The following DLGAP1 variants were observed in gnomAD, a reference collection of about 807,000 sequenced individuals.
The protein encoded by DLGAP1 is DLG associated protein 1, also known as disks large-associated protein 1.
Under a neutral mutation model 90.8 loss-of-function variants are expected in DLGAP1, and 11 were observed. That is an observed-to-expected ratio of 0.12 (90% CI 0.08 to 0.20). DLGAP1 has a LOEUF of 0.20. Among genes scored for constraint, DLGAP1 ranks in the 10% least tolerant of loss-of-function variants. The pLI is 1.00. For synonymous variants in DLGAP1, 558 were observed against 540.7 expected, an observed-to-expected ratio of 1.03 and a Z score of -0.44; for missense variants, 1,050 against 1,333.8, an observed-to-expected ratio of 0.79 and a Z score of 3.31.
rs1193116236 is a variant in DLGAP1, at chr18:3,927,567, C to T, written c.-72-47427G>A. Among the ~76,000 whole-genome samples the T allele has an allele frequency of 2.6e-5, 4 of 152,126 alleles. No individual in the cohort carries two copies. The South Asian group carries it at 6.2e-4, about 24-fold the overall frequency. On this transcript the variant is annotated intron_variant, in intron 3 of 12. Coordinates refer to ENST00000315677, the MANE Select transcript of DLGAP1 (RefSeq NM_004746.4). The stretch of plus-strand genomic sequence containing the variant: ...TTTCTTAGGCTAAATAAATTTTTAT[C>T]GTATCAGCAGAGAAGTTTTGAATGT...
At chr18:4,245,460 G>A (rs2078634823) in intron 1 of DLGAP1, among the ~76,000 whole-genome samples, 1 of 152,144 alleles carries the variant, frequency 6.6e-6, no homozygotes, top group Non-Finnish European at 1.5e-5. Context: ...GACAAAGCTT[G>A]CTGTTTTAGC....
chr18:3,642,184 A>C (rs1433445754), intron 7 of DLGAP1, among the ~76,000 whole-genome samples: 1 of 152,224 alleles, frequency 6.6e-6, no homozygotes, highest in Non-Finnish European at 1.5e-5. Context: ...CTGCAGGTTG[A>C]CTATCCCTTA....
At chr18:4,174,577 C>T (rs913661266) in intron 1 of DLGAP1, among the ~76,000 whole-genome samples, 1 of 152,170 alleles carries the variant, frequency 6.6e-6, no homozygotes, top group African/African-American at 2.4e-5. Flanking sequence ...TCATGATCCA[C>T]CCTCCTCGGC....
At chr18:3,930,536 G>T (rs2072493233) in intron 3 of DLGAP1, among the ~76,000 whole-genome samples, 1 of 152,154 alleles carries the variant, frequency 6.6e-6, no homozygotes, top group African/African-American at 2.4e-5. Context: ...TCCTGCAATA[G>T]GAAGGGTGCC....
chr18:3,654,203 C>A (rs576551954), intron 7 of DLGAP1, among the ~76,000 whole-genome samples: 244 of 152,278 alleles, frequency 1.6e-3, no homozygotes, highest in Admixed American at 3.7e-3. Flanking sequence ...AGAGAACTTC[C>A]TGTGAGCCCC....
Position 4,313,201 on chromosome 18 carries a change from C to T in DLGAP1, c.-267+141805G>A, listed in dbSNP as rs774876115. Reference sequence around the variant, plus strand: ...CACGAAGCTTGTATCAGAAGACAGACCATAAATAATAGAAGCACTAAATAA... The same window carrying T: ...CACGAAGCTTGTATCAGAAGACAGATCATAAATAATAGAAGCACTAAATAA... On this transcript the variant is annotated intron_variant, in intron 1 of 12. Transcript: ENST00000315677. 5.6e-4 allele frequency among the ~76,000 whole-genome samples: 85 copies of T among 152,072 alleles called. 1 individual carries two copies. Among genetic ancestry groups the T allele is most frequent in the African/African-American group, 1.8e-3 (74 of 41,456 alleles).
chr18:4,198,138 G>A (rs914819234), intron 1 of DLGAP1, among the ~76,000 whole-genome samples: 3 of 152,118 alleles, frequency 2.0e-5, no homozygotes, highest in African/African-American at 4.8e-5. Context: ...GCAGAATGGC[G>A]TGAATCCAGA....
At chr18:3,761,583 T>C (rs2063967487) in intron 5 of DLGAP1, among the ~76,000 whole-genome samples, 1 of 151,932 alleles carries the variant, frequency 6.6e-6, no homozygotes, top group Non-Finnish European at 1.5e-5. Flanking sequence ...TCTTTCTTTT[T>C]TTTTTTTTTT....
intron 2 of DLGAP1, among the ~76,000 whole-genome samples, chr18:4,032,906 G>T (rs12966814): frequency 6.6e-6 from 1 of 151,970 alleles, no homozygotes; most frequent in African/African-American, 2.4e-5. Flanking sequence ...ACAGTGGCTG[G>T]GTCTTAGTTG....
At chr18:3,977,434 G>GGTTTTTTTTTTTTTTTTTTT (rs767760816) in intron 3 of DLGAP1, among the ~76,000 whole-genome samples, 15 of 95,340 alleles carry the variant, frequency 1.6e-4, no homozygotes, top group African/African-American at 5.0e-4. Context: ...TTTATTCTGT[G>GGTTTTTTTTTTTTTTTTTTT]TTTTTTTTTT....
At chr18:3,859,794 T>C (rs1292132658) in intron 4 of DLGAP1, among the ~76,000 whole-genome samples, 1 of 152,086 alleles carries the variant, frequency 6.6e-6, no homozygotes, top group Non-Finnish European at 1.5e-5. Flanking sequence ...CCTGCAGAAC[T>C]GTACGATAAT....
At chr18:3,821,871 G>A (rs932236705) in intron 4 of DLGAP1, 2 of 978,404 alleles carry the variant, frequency 2.0e-6, no homozygotes, top group African/African-American at 3.5e-5. Flanking sequence ...CTTTTAGTGG[G>A]CTCTCAGATT....
chr18:4,124,991 A>G (rs915544154), intron 2 of DLGAP1, among the ~76,000 whole-genome samples: 1 of 152,200 alleles, frequency 6.6e-6, no homozygotes, highest in Admixed American at 6.5e-5. Flanking sequence ...CATGGGGTCC[A>G]GGTTGGTGGG....
intron 5 of DLGAP1, among the ~76,000 whole-genome samples, chr18:3,773,051 T>C (rs2064768710): frequency 1.3e-5 from 2 of 152,176 alleles, no homozygotes; most frequent in Admixed American, 1.3e-4. Flanking sequence ...GAAAGAATAC[T>C]GGAATGAAGG....
chr18:3,540,066 A>G (rs1359639924), intron 9 of DLGAP1, among the ~76,000 whole-genome samples: 1 of 152,226 alleles, frequency 6.6e-6, no homozygotes, highest in Admixed American at 6.5e-5. Context: ...CCATCTTGGT[A>G]TTTTATGAAA....
At chr18:3,745,208 G>A (rs767008998) in intron 5 of DLGAP1, among the ~76,000 whole-genome samples, 4 of 150,196 alleles carry the variant, frequency 2.7e-5, no homozygotes, top group Non-Finnish European at 5.9e-5. Flanking sequence ...GTGGCATTAG[G>A]AAGTGATATC....
intron 7 of DLGAP1, among the ~76,000 whole-genome samples, chr18:3,637,668 GC>G (rs1483534262): frequency 1.3e-5 from 2 of 151,436 alleles, no homozygotes; most frequent in African/African-American, 2.4e-5. Context: ...GATTGATTGA[GC>G]CTGGGAGGTC....
intron 1 of DLGAP1, among the ~76,000 whole-genome samples, chr18:4,439,371 T>C (rs191760739): frequency 2.0e-5 from 3 of 152,372 alleles, no homozygotes; most frequent in East Asian, 3.9e-4. Context: ...GTTGTTATTA[T>C]AAGCAAGAAA....
chr18:3,761,401 C>T (rs2063956461), intron 5 of DLGAP1, among the ~76,000 whole-genome samples: 2 of 152,168 alleles, frequency 1.3e-5, no homozygotes. Flanking sequence ...GGTCCATCCA[C>T]AATGTCGAGT....
Sources: gnomAD v4.1 joint callset for allele counts (sites outside exome capture counted in the v4.1 genomes callset) on GRCh38, gnomAD v4.1.1 for gene constraint, MANE v1.5 for transcripts, NCBI Gene and HGNC (gene_info 2026-07-23, HGNC 2026-07-21) for gene names.